The following HDAC8 variants were observed in gnomAD, a reference collection of about 807,000 sequenced individuals.
HDAC8 encodes histone deacetylase-like 1.
A neutral mutation model predicts 32.2 loss-of-function variants in HDAC8; 1 was observed. The ratio of observed to expected loss-of-function variants is 0.03; its 90% CI spans 0.01 to 0.15. HDAC8 has a LOEUF of 0.15. HDAC8 is among the 10% of genes least tolerant of loss of function. The pLI is 1.00. For missense variants in HDAC8, 117 were observed against 300.0 expected, an observed-to-expected ratio of 0.39 and a Z score of 4.51; for synonymous variants, 108 against 113.9, an observed-to-expected ratio of 0.95 and a Z score of 0.33.
intron 10 of HDAC8, among the ~76,000 whole-genome samples, chrX:72,343,220 A>G (rs2043933396): frequency 9.2e-6 from 1 of 108,666 alleles, no homozygotes; most frequent in Non-Finnish European, 1.9e-5. Flanking sequence ...CCCAAGCTGG[A>G]GTGCAGTAGT....
intron 9 of HDAC8, among the ~76,000 whole-genome samples, chrX:72,380,826 CT>C (rs2045247846): frequency 9.0e-6 from 1 of 111,058 alleles, no homozygotes; most frequent in African/African-American, 3.3e-5. Flanking sequence ...TTTATTTAAC[CT>C]AACATATTCA....
chrX:72,495,133 A>G, intron 5 of HDAC8, 23 bp downstream of exon 5: 1 of 1,092,966 alleles, frequency 9.1e-7, no homozygotes, highest in Non-Finnish European at 1.3e-6. Context: ...GCAGCAAAGC[A>G]TCTTTAAAAC....
At chrX:72,393,181 A>G (rs2045657997) in intron 9 of HDAC8, among the ~76,000 whole-genome samples, 1 of 112,016 alleles carries the variant, frequency 8.9e-6, no homozygotes, top group Non-Finnish European at 1.9e-5. Context: ...GAGAGCCCAG[A>G]GGTAAGCAAA....
intron 9 of HDAC8, among the ~76,000 whole-genome samples, chrX:72,410,960 T>C (rs1156633904): frequency 9.0e-6 from 1 of 110,937 alleles, no homozygotes; most frequent in Non-Finnish European, 1.9e-5. Context: ...TCACTCAATA[T>C]GCTCTAGTCA....
At chrX:72,333,066 T>C (rs2043575157) in intron 10 of HDAC8, among the ~76,000 whole-genome samples, 1 of 112,214 alleles carries the variant, frequency 8.9e-6, no homozygotes, top group Non-Finnish European at 1.9e-5. Context: ...AAGCAAAAGT[T>C]GATTTTGATG....
At chrX:72,425,573 T>G (rs782738285) in intron 9 of HDAC8, among the ~76,000 whole-genome samples, 1 of 112,471 alleles carries the variant, frequency 8.9e-6, no homozygotes, top group African/African-American at 3.2e-5. Flanking sequence ...TGAATTATTC[T>G]TTATCTTTAC....
At chrX:72,551,245 C>T (rs782346095) in intron 4 of HDAC8, among the ~76,000 whole-genome samples, 3 of 111,481 alleles carry the variant, frequency 2.7e-5, no homozygotes, top group East Asian at 2.8e-4. Flanking sequence ...TTTGGGAACA[C>T]TAATGAAGTC....
chrX:72,478,381 G>C, intron 7 of HDAC8, among the ~76,000 whole-genome samples: 1 of 111,626 alleles, frequency 9.0e-6, no homozygotes, highest in East Asian at 2.8e-4. Context: ...AGTTAGTGAG[G>C]CTTGCCTGTA....
chrX:72,487,631 T>G (rs1556006649), intron 7 of HDAC8, among the ~76,000 whole-genome samples: 2 of 109,034 alleles, frequency 1.8e-5, no homozygotes, highest in Non-Finnish European at 3.8e-5. Flanking sequence ...CTATACTTGC[T>G]GGATGATGAG....
intron 4 of HDAC8, among the ~76,000 whole-genome samples, chrX:72,522,371 A>T (rs1212335595): frequency 3.6e-5 from 4 of 112,220 alleles, no homozygotes; most frequent in Non-Finnish European, 7.5e-5. Flanking sequence ...CCCTCAAGCA[A>T]TTGCCCATGT....
At position 72,462,101 on chromosome X, in the gene HDAC8, G is replaced by T; in HGVS notation, c.911-3C>A. The T allele has an allele frequency of 8.4e-7, 1 of 1,186,101 alleles. No individual in the cohort carries two copies. Among genetic ancestry groups the T allele is most frequent in the Non-Finnish European group, 1.1e-6 (1 of 873,309 alleles). On this transcript the variant is annotated splice_region_variant and splice_polypyrimidine_tract_variant and intron_variant, in intron 8 of 10. Coordinates refer to ENST00000373573, the MANE Select transcript of HDAC8 (RefSeq NM_018486.3). ...CGTGTTGGCAAGGTTATAGCCTCCT[G>T]TCTCCATCAAGAATTGTGAAGTTAG...
intron 9 of HDAC8, among the ~76,000 whole-genome samples, chrX:72,402,810 C>G: frequency 9.0e-6 from 1 of 111,409 alleles, no homozygotes; most frequent in East Asian, 2.8e-4. Flanking sequence ...GTTATTGCAT[C>G]ATGTATCTTG....
intron 4 of HDAC8, among the ~76,000 whole-genome samples, chrX:72,517,777 G>A (rs188764144): frequency 7.0e-4 from 78 of 112,020 alleles, no homozygotes; most frequent in African/African-American, 2.1e-3. Flanking sequence ...ACTGGTCTGC[G>A]TGTCTATCCA....
At chrX:72,480,940 A>C (rs1306449100) in intron 7 of HDAC8, among the ~76,000 whole-genome samples, 1 of 110,521 alleles carries the variant, frequency 9.0e-6, no homozygotes, top group Non-Finnish European at 1.9e-5. Context: ...CCTTAGGACA[A>C]ATACCTAATG....
chrX:72,417,690 C>A (rs781965139), intron 9 of HDAC8, among the ~76,000 whole-genome samples: 4 of 111,927 alleles, frequency 3.6e-5, no homozygotes, highest in Non-Finnish European at 7.5e-5. Flanking sequence ...TTGCCAATGT[C>A]ATTTTTCACA....
At chrX:72,508,278 A>G (rs782497208) in intron 4 of HDAC8, among the ~76,000 whole-genome samples, 7 of 112,000 alleles carry the variant, frequency 6.3e-5, no homozygotes, top group Admixed American at 9.5e-5. Flanking sequence ...ATAATAGCTG[A>G]CATCTATTAA....
At chrX:72,502,841 G>C (rs1324214450) in intron 4 of HDAC8, among the ~76,000 whole-genome samples, 2 of 110,499 alleles carry the variant, frequency 1.8e-5, no homozygotes, top group Non-Finnish European at 3.8e-5. Context: ...CAGGAGAATC[G>C]CTTGAACCCA....
At chrX:72,442,236 G>C (rs1219000204) in intron 9 of HDAC8, among the ~76,000 whole-genome samples, 1 of 110,816 alleles carries the variant, frequency 9.0e-6, no homozygotes, top group Non-Finnish European at 1.9e-5. Context: ...GTAATTGTCA[G>C]ATTCACCAAA....
chrX:72,332,915 G>T (rs1361571544), intron 10 of HDAC8, among the ~76,000 whole-genome samples: 1 of 111,296 alleles, frequency 9.0e-6, no homozygotes, highest in Non-Finnish European at 1.9e-5. Flanking sequence ...GCCTCCCAAA[G>T]TGCTGGGATT....
Sources: gnomAD v4.1 joint callset for allele counts (sites outside exome capture counted in the v4.1 genomes callset) on GRCh38, gnomAD v4.1.1 for gene constraint, MANE v1.5 for transcripts, NCBI Gene and HGNC (gene_info 2026-07-23, HGNC 2026-07-21) for gene names.